The following MARCHF1 variants were observed in gnomAD, a reference collection of about 807,000 sequenced individuals.
MARCHF1 encodes membrane associated ring-CH-type finger 1.
A neutral mutation model predicts 54.2 loss-of-function variants in MARCHF1; 40 were observed. The observed-to-expected ratio is 0.74, with a 90% CI of 0.57 to 0.96. The LOEUF is 0.96. MARCHF1 is among the 40% of genes least tolerant of loss of function. MARCHF1 has a pLI of 0.00. For missense variants in MARCHF1, 586 were observed against 656.5 expected (o/e 0.89, Z 1.17); for synonymous variants, 236 against 236.3 (o/e 1.00, Z 0.01).
intron 4 of MARCHF1, among the ~76,000 whole-genome samples, chr4:163,837,808 CTAAT>C (rs1397070015): frequency 1.3e-5 from 2 of 152,014 alleles, no homozygotes; most frequent in African/African-American, 4.8e-5. Flanking sequence ...CAAATTTTAG[CTAAT>C]TGACTTCTAT....
intron 4 of MARCHF1, among the ~76,000 whole-genome samples, chr4:163,847,517 T>A (rs1243412313): frequency 6.6e-6 from 1 of 151,126 alleles, no homozygotes; most frequent in African/African-American, 2.4e-5. Context: ...ACTACCTTTT[T>A]TTTTCATTTG....
intron 1 of MARCHF1, among the ~76,000 whole-genome samples, chr4:164,327,333 T>C (rs1178120241): frequency 6.6e-6 from 1 of 151,726 alleles, no homozygotes; most frequent in Non-Finnish European, 1.5e-5. Context: ...TTGAGACGAG[T>C]CTTAAAGAAT....
At chr4:163,959,363 C>A (rs968949668) in intron 3 of MARCHF1, among the ~76,000 whole-genome samples, 1 of 150,482 alleles carries the variant, frequency 6.6e-6, no homozygotes, top group African/African-American at 2.5e-5. Context: ...ACAAAAAACA[C>A]AAAACAAACA....
At chr4:164,311,074 A>C (rs1734838732) in intron 1 of MARCHF1, among the ~76,000 whole-genome samples, 1 of 152,160 alleles carries the variant, frequency 6.6e-6, no homozygotes, top group East Asian at 1.9e-4. Context: ...CTAAATGCTG[A>C]ATTTGCCTCC....
At chr4:163,632,870 G>C (rs1579134424) in intron 5 of MARCHF1, among the ~76,000 whole-genome samples, 1 of 152,336 alleles carries the variant, frequency 6.6e-6, no homozygotes, top group Non-Finnish European at 1.5e-5. Flanking sequence ...GAAGAGAGCA[G>C]TGGTTCTCCC....
At chr4:163,529,456 G>C (rs1738270043) in intron 9 of MARCHF1, among the ~76,000 whole-genome samples, 1 of 151,936 alleles carries the variant, frequency 6.6e-6, no homozygotes, top group South Asian at 2.1e-4. Context: ...ATGAGGTATA[G>C]GTACATGTAT....
chr4:163,722,554 T>C (rs1371402869), intron 4 of MARCHF1, among the ~76,000 whole-genome samples: 1 of 152,234 alleles, frequency 6.6e-6, no homozygotes, highest in African/African-American at 2.4e-5. Flanking sequence ...GTCCACTTGG[T>C]GCAGAGTTGA....
chr4:163,723,898 C>T (rs560350450), intron 4 of MARCHF1, among the ~76,000 whole-genome samples: 12 of 152,164 alleles, frequency 7.9e-5, no homozygotes, highest in African/African-American at 2.9e-4. Flanking sequence ...GACTTCTCTA[C>T]ACTGGTTATT....
chr4:164,092,636 T>C (rs1755328879), intron 2 of MARCHF1, among the ~76,000 whole-genome samples: 1 of 152,168 alleles, frequency 6.6e-6, no homozygotes. Flanking sequence ...ACCAAAACTT[T>C]CGTCTGCAGT....
intron 4 of MARCHF1, among the ~76,000 whole-genome samples, chr4:163,755,152 C>A (rs1746630041): frequency 6.6e-6 from 1 of 152,110 alleles, no homozygotes; most frequent in South Asian, 2.1e-4. Context: ...CCCCTCACAG[C>A]AAATAATTAT....
chr4:163,729,110 G>C (rs923141061), intron 4 of MARCHF1, among the ~76,000 whole-genome samples: 4 of 152,024 alleles, frequency 2.6e-5, no homozygotes, highest in African/African-American at 9.7e-5. Context: ...TTGCAGACCT[G>C]AGATAAATCC....
chr4:163,901,501 A>G (rs987982839), intron 3 of MARCHF1, among the ~76,000 whole-genome samples: 2 of 152,186 alleles, frequency 1.3e-5, no homozygotes, highest in Non-Finnish European at 2.9e-5. Context: ...CCCTAGGGGT[A>G]GGAGCAGCCT....
chr4:163,964,962 A>C (rs1752414130), intron 3 of MARCHF1, among the ~76,000 whole-genome samples: 1 of 152,044 alleles, frequency 6.6e-6, no homozygotes. Flanking sequence ...GTAAAATTAA[A>C]GTCAATCGAA....
At chr4:163,823,986 AT>A (rs1460498768) in intron 4 of MARCHF1, among the ~76,000 whole-genome samples, 1 of 151,870 alleles carries the variant, frequency 6.6e-6, no homozygotes, top group Non-Finnish European at 1.5e-5. Flanking sequence ...CCTATATATC[AT>A]TCAAGTTTTT....
intron 3 of MARCHF1, among the ~76,000 whole-genome samples, chr4:163,915,588 C>G (rs1383239172): frequency 6.6e-6 from 1 of 152,144 alleles, no homozygotes; most frequent in Non-Finnish European, 1.5e-5. Flanking sequence ...AATCCCACTA[C>G]TTGTACTAAA....
At chr4:163,864,939 C>T (rs1251768614) in intron 3 of MARCHF1, among the ~76,000 whole-genome samples, 2 of 151,674 alleles carry the variant, frequency 1.3e-5, no homozygotes, top group Admixed American at 1.3e-4. Context: ...CTATGGGAGA[C>T]TGGAAGAAAA....
At chr4:163,601,116 C>G (rs1334939894) in intron 7 of MARCHF1, among the ~76,000 whole-genome samples, 1 of 152,038 alleles carries the variant, frequency 6.6e-6, no homozygotes, top group East Asian at 1.9e-4. Flanking sequence ...CTATTTAAAT[C>G]CCAACTGCAG....
intron 8 of MARCHF1, among the ~76,000 whole-genome samples, chr4:163,575,298 A>T (rs1740000017): frequency 6.6e-6 from 1 of 152,108 alleles, no homozygotes; most frequent in South Asian, 2.1e-4. Flanking sequence ...CTTTTTCTGC[A>T]TCTATTGAGA....
At chr4:163,929,991 TAATATATTATATATA>T (rs1162047367) in intron 3 of MARCHF1, among the ~76,000 whole-genome samples, 5 of 129,776 alleles carry the variant, frequency 3.9e-5, no homozygotes, top group African/African-American at 1.4e-4. Context: ...AATATATATA[TAATATATTATATATA>T]AATATATTAT....
Sources: gnomAD v4.1 joint callset for allele counts (sites outside exome capture counted in the v4.1 genomes callset) on GRCh38, gnomAD v4.1.1 for gene constraint, MANE v1.5 for transcripts, NCBI Gene and HGNC (gene_info 2026-07-23, HGNC 2026-07-21) for gene names.